The following RCBTB1 variants were observed in gnomAD, a reference collection of about 807,000 sequenced individuals.
RCBTB1 encodes RCC1 and BTB domain containing protein 1, also known as RCC1 and BTB domain-containing protein 1.
RCBTB1 carries 46 observed loss-of-function variants against 62.4 expected under a neutral mutation model. That is an observed-to-expected ratio of 0.74 (90% CI 0.58 to 0.94). RCBTB1 has a LOEUF of 0.94. Among genes scored for constraint, RCBTB1 ranks in the 40% least tolerant of loss-of-function variants. The probability of loss-of-function intolerance (pLI) is 0.00; values close to 1 mark genes in which losing one functional copy is unlikely to be tolerated. For missense variants in RCBTB1, 565 were observed against 654.9 expected (o/e 0.86, Z 1.50); for synonymous variants, 222 against 245.8 (o/e 0.90, Z 0.91).
In RCBTB1 at chr13:49,540,909, C is replaced by T. The variant is rs377438488; in HGVS notation, c.1422G>A (p.Ser474=). 4.4e-5 allele frequency: 71 copies of T among 1,613,898 alleles called. No homozygotes were observed. The African/African-American group carries it at 7.6e-4, about 17-fold the overall frequency. ...CATATCTGACTGCAGCAGAGAATAG[C>T]GAAAAGGCATTCTCCACAGTAATTC... ...KRGITVENAF[S]LFSAAVRYDA... Residue 474 remains serine (S), a synonymous_variant, in exon 12 of 13, where the codon TCG becomes TCA. Transcript: ENST00000378302.
At chr13:49,551,162 G>A in intron 8 of RCBTB1, 164 bp downstream of exon 8, 1 of 662,436 alleles carries the variant, frequency 1.5e-6, no homozygotes, top group Non-Finnish European at 2.4e-6. Flanking sequence ...AGCAGGGAGG[G>A]AGAAGGAGGA....
chr13:49,567,829 A>G (rs1381813188), intron 2 of RCBTB1, among the ~76,000 whole-genome samples: 6 of 152,232 alleles, frequency 3.9e-5, no homozygotes, highest in Admixed American at 1.3e-4. Context: ...AACGCCGTCA[A>G]ATCAGGCTAT....
intron 4 of RCBTB1, among the ~76,000 whole-genome samples, chr13:49,560,612 AT>A (rs60783473): frequency 0.6 from 89,383 of 148,286 alleles, 27,511 homozygotes; most frequent in Admixed American, 0.7. Flanking sequence ...ATCTGGCTGA[AT>A]TTTTTTTTTT....
Position 49,555,610 on chromosome 13 carries a change from T to C in RCBTB1, c.508A>G (p.Thr170Ala), listed in dbSNP as rs1414385400. Residue 170 changes from threonine (T) to alanine (A), a missense_variant, in exon 6 of 13, where the codon ACT (threonine) becomes GCT (alanine). Transcript: ENST00000378302. ...AAACAGTTTGTAACTTTTCGAGGAGTTGGTTGATTTGCTGTAGAACCTGAT... is the reference window on the plus strand; with the variant it reads ...AAACAGTTTGTAACTTTTCGAGGAGCTGGTTGATTTGCTGTAGAACCTGAT... ...VGSGSTANQPTPRKVTNCLHI... is the reference protein window; with the variant it reads ...VGSGSTANQPAPRKVTNCLHI... 12 of 1,613,116 alleles carry C rather than the reference T, an allele frequency of 7.4e-6. No individual in the cohort carries two copies. Among genetic ancestry groups the C allele is most frequent in the Non-Finnish European group, 1.0e-5 (12 of 1,179,552 alleles).
At chr13:49,537,216 T>C (rs1213600934) in intron 12 of RCBTB1, among the ~76,000 whole-genome samples, 1 of 152,154 alleles carries the variant, frequency 6.6e-6, no homozygotes, top group African/African-American at 2.4e-5. Context: ...CAACCTGTTG[T>C]TAAAGTAACT....
intron 11 of RCBTB1, 54 bp from the exon 12 acceptor site, chr13:49,541,060 A>G: frequency 1.3e-6 from 2 of 1,540,042 alleles, no homozygotes; most frequent in South Asian, 2.3e-5. Context: ...TTTCCAATAC[A>G]CAGAGATTTT....
At chr13:49,550,434 T>C (rs973739372) in intron 8 of RCBTB1, 5 of 984,452 alleles carry the variant, frequency 5.1e-6, no homozygotes, top group Non-Finnish European at 6.0e-6. Flanking sequence ...AGTATGCTTC[T>C]TGGGTAAGGT....
intron 2 of RCBTB1, among the ~76,000 whole-genome samples, chr13:49,577,253 A>G (rs1213447900): frequency 2.0e-5 from 3 of 152,230 alleles, no homozygotes; most frequent in Non-Finnish European, 4.4e-5. Context: ...TTCCCCTAAG[A>G]GCACATTTAT....
chr13:49,552,343 GAC>G (rs1317775613), intron 6 of RCBTB1, 58 bp from the exon 7 acceptor site: 3 of 1,151,580 alleles, frequency 2.6e-6, no homozygotes, highest in Admixed American at 2.3e-5. Flanking sequence ...AGAAGGAAGA[GAC>G]AAAAAAACCA....
Position 49,534,101 on chromosome 13 carries a change from A to G in RCBTB1, c.*21T>C, listed in dbSNP as rs1356187822. The G allele has an allele frequency of 1.2e-6, 2 of 1,610,814 alleles. No individual in the cohort carries two copies. The highest frequency in any genetic ancestry group is 1.7e-4 in the Middle Eastern group (1 of 6,048). On this transcript the variant is annotated 3_prime_UTR_variant, in exon 13 of 13. Coordinates refer to ENST00000378302, the MANE Select transcript of RCBTB1 (RefSeq NM_018191.4). ...CAACAGTGCCCCAGAGCACTCACAC[A>G]GAACCCAGCAGCCTTGCGCTTCAGT...
intron 2 of RCBTB1, among the ~76,000 whole-genome samples, chr13:49,572,440 CA>C (rs997757716): frequency 6.6e-6 from 1 of 151,892 alleles, no homozygotes; most frequent in Non-Finnish European, 1.5e-5. Flanking sequence ...AAAGTATTAA[CA>C]GACTTATTCT....
chr13:49,583,720 G>C (rs970323514), intron 1 of RCBTB1, among the ~76,000 whole-genome samples: 4 of 151,968 alleles, frequency 2.6e-5, no homozygotes, highest in Non-Finnish European at 5.9e-5. Context: ...CTAATTTTTT[G>C]TATTTTTAGT....
intron 2 of RCBTB1, among the ~76,000 whole-genome samples, chr13:49,572,040 G>A (rs1963433266): frequency 6.6e-6 from 1 of 152,084 alleles, no homozygotes; most frequent in African/African-American, 2.4e-5. Context: ...CAAAAATACA[G>A]GATCTGCCAG....
At position 49,534,256 on chromosome 13, in the gene RCBTB1, C is replaced by T. The variant is rs1430577135; in HGVS notation, c.1462G>A (p.Glu488Lys). Residue 488 changes from glutamate to lysine, a missense_variant, in exon 13 of 13, where the codon GAA becomes AAA. Coordinates refer to ENST00000378302, the MANE Select transcript of RCBTB1 (RefSeq NM_018191.4). ...AAVRYDAEDL[E>K]EFCFKFCINH... ...ATGCAAAACTTAAAGCAGAATTCTT[C>T]TAAATCCTGGACACACAACAAAAAT... 6.2e-7 allele frequency: 1 copy of T among 1,611,888 alleles called. No individual in the cohort carries two copies. The highest frequency in any genetic ancestry group is 1.1e-5 in the South Asian group (1 of 90,462).
intron 9 of RCBTB1, among the ~76,000 whole-genome samples, chr13:49,548,283 T>C (rs2139163553): frequency 6.6e-6 from 1 of 150,714 alleles, no homozygotes; most frequent in East Asian, 2.0e-4. Flanking sequence ...TCCCAGCTAC[T>C]CAGGAGGCTA....
chr13:49,563,049 TA>T (rs1479803883), intron 4 of RCBTB1, among the ~76,000 whole-genome samples: 6 of 150,072 alleles, frequency 4.0e-5, no homozygotes, highest in Non-Finnish European at 8.9e-5. Context: ...AAAATAAAAA[TA>T]AAAATAAAAA....
At chr13:49,566,831 C>G in intron 3 of RCBTB1, 63 bp from the exon 4 acceptor site, 2 of 1,450,626 alleles carry the variant, frequency 1.4e-6, no homozygotes, top group South Asian at 2.6e-5. Context: ...AAGCTCCCTT[C>G]TCTCCTCTGA....
chr13:49,534,115 T>A lies in RCBTB1; in HGVS notation c.*7A>T, dbSNP rs1959748382. 2 of 1,613,056 alleles carry A rather than the reference T, an allele frequency of 1.2e-6. No individual in the cohort carries two copies. Among genetic ancestry groups the A allele is most frequent in the Non-Finnish European group, 1.7e-6 (2 of 1,179,588 alleles). On this transcript the variant is annotated 3_prime_UTR_variant, in exon 13 of 13. Coordinates refer to ENST00000378302, the MANE Select transcript of RCBTB1 (RefSeq NM_018191.4). ...AGCACTCACACAGAACCCAGCAGCC[T>A]TGCGCTTCAGTTCTTAAAGGCTCCA...
At chr13:49,567,107 T>C in intron 3 of RCBTB1, 47 bp downstream of exon 3, 3 of 1,596,208 alleles carry the variant, frequency 1.9e-6, no homozygotes, top group East Asian at 2.2e-5. Flanking sequence ...TGAAGACCAA[T>C]TGCCAAATAA....
Sources: allele counts gnomAD v4.1 joint callset (sites outside exome capture counted in the v4.1 genomes callset), GRCh38; gene constraint gnomAD v4.1.1; transcripts MANE v1.5; gene names NCBI Gene and HGNC (gene_info 2026-07-23, HGNC 2026-07-21).